NELL1: variants seen among roughly 807,000 people sequenced by gnomAD.
NELL1 encodes protein kinase C-binding protein NELL1.
Under a neutral mutation model 107.4 loss-of-function variants are expected in NELL1, and 76 were observed. The observed-to-expected ratio is 0.71, with a 90% CI of 0.59 to 0.86. NELL1 has a LOEUF of 0.86. Among genes scored for constraint, NELL1 ranks in the 40% least tolerant of loss-of-function variants. The pLI, the probability that NELL1 is intolerant of heterozygous loss-of-function variation, is 0.00. For synonymous variants in NELL1, 353 were observed against 341.2 expected (o/e 1.03, Z -0.38); for missense variants, 1,024 against 1,005.5 (o/e 1.02, Z -0.25).
intron 3 of NELL1, among the ~76,000 whole-genome samples, chr11:20,816,256 A>T (rs376201634): frequency 1.2e-4 from 19 of 152,166 alleles, no homozygotes; most frequent in African/African-American, 4.1e-4. Flanking sequence ...GGCCATTTAA[A>T]CAATGTTGAT....
intron 4 of NELL1, among the ~76,000 whole-genome samples, chr11:20,859,026 C>T (rs1255009272): frequency 6.6e-6 from 1 of 152,194 alleles, no homozygotes; most frequent in Admixed American, 6.5e-5. Context: ...CGTGATTTAC[C>T]CCTGTTAGTA....
intron 13 of NELL1, among the ~76,000 whole-genome samples, chr11:21,165,365 A>T (rs1856456714): frequency 6.6e-6 from 1 of 152,208 alleles, no homozygotes. Context: ...TTTTGTATCT[A>T]GTCTTCAACT....
chr11:21,147,863 A>G (rs1856020339), intron 13 of NELL1, among the ~76,000 whole-genome samples: 2 of 150,430 alleles, frequency 1.3e-5, no homozygotes, highest in African/African-American at 4.9e-5. Flanking sequence ...AAAAAAAAAA[A>G]AAGAAAAGAA....
chr11:21,463,725 C>T (rs1853955849), intron 15 of NELL1, among the ~76,000 whole-genome samples: 1 of 152,068 alleles, frequency 6.6e-6, no homozygotes, highest in African/African-American at 2.4e-5. Context: ...TACTTAGTGG[C>T]ATAAGACAAT....
At chr11:20,805,188 G>C (rs1857356461) in intron 3 of NELL1, among the ~76,000 whole-genome samples, 1 of 151,928 alleles carries the variant, frequency 6.6e-6, no homozygotes, top group Non-Finnish European at 1.5e-5. Context: ...GTTTCTTGTA[G>C]GCAACAGATT....
At chr11:21,434,002 A>G (rs1853038281) in intron 15 of NELL1, among the ~76,000 whole-genome samples, 1 of 152,112 alleles carries the variant, frequency 6.6e-6, no homozygotes. Flanking sequence ...ATTTTGAAAC[A>G]TGTTTACTCA....
intron 12 of NELL1, among the ~76,000 whole-genome samples, chr11:21,022,671 G>A (rs1433391888): frequency 6.6e-6 from 1 of 151,988 alleles, no homozygotes; most frequent in Non-Finnish European, 1.5e-5. Flanking sequence ...GTTGAGAGTT[G>A]GACAATCCTA....
At chr11:21,049,753 C>T (rs1446907443) in intron 12 of NELL1, among the ~76,000 whole-genome samples, 1 of 152,024 alleles carries the variant, frequency 6.6e-6, no homozygotes, top group East Asian at 1.9e-4. Context: ...TCTCAGCTCC[C>T]TGCAACCTCC....
intron 15 of NELL1, among the ~76,000 whole-genome samples, chr11:21,402,298 A>G (rs923555632): frequency 6.6e-6 from 1 of 151,808 alleles, no homozygotes; most frequent in Non-Finnish European, 1.5e-5. Flanking sequence ...CACTCTTCTC[A>G]ACTTGGGAAA....
intron 2 of NELL1, among the ~76,000 whole-genome samples, chr11:20,781,962 G>T (rs929423306): frequency 6.7e-6 from 1 of 150,204 alleles, no homozygotes; most frequent in Non-Finnish European, 1.5e-5. Flanking sequence ...GATCGCTTGA[G>T]CCCGGGAGGT....
chr11:21,330,456 T>C (rs1850246312), intron 14 of NELL1, among the ~76,000 whole-genome samples: 1 of 149,928 alleles, frequency 6.7e-6, no homozygotes, highest in Non-Finnish European at 1.5e-5. Context: ...TGAAAATGGC[T>C]CTTTTTTTCT....
At chr11:21,454,188 T>C (rs1481747438) in intron 15 of NELL1, among the ~76,000 whole-genome samples, 1 of 147,986 alleles carries the variant, frequency 6.8e-6, no homozygotes, top group African/African-American at 2.5e-5. Flanking sequence ...GTTTGGTTTT[T>C]TGTTCTTGCG....
chr11:21,533,107 GA>G (rs1472678117), intron 15 of NELL1, among the ~76,000 whole-genome samples: 5 of 152,186 alleles, frequency 3.3e-5, no homozygotes, highest in Non-Finnish European at 7.4e-5. Flanking sequence ...TTAATGGGCT[GA>G]ACAATACATG....
chr11:20,777,912 G>T (rs187658220), intron 2 of NELL1, among the ~76,000 whole-genome samples: 77 of 152,140 alleles, frequency 5.1e-4, no homozygotes, highest in Non-Finnish European at 9.3e-4. Flanking sequence ...CTGCCTCTTG[G>T]TCTGCTTTGT....
intron 13 of NELL1, among the ~76,000 whole-genome samples, chr11:21,144,261 A>G (rs772123472): frequency 2.0e-5 from 3 of 152,124 alleles, no homozygotes; most frequent in Non-Finnish European, 4.4e-5. Context: ...ATGCTATGGA[A>G]CACCTTAGGA....
intron 9 of NELL1, among the ~76,000 whole-genome samples, chr11:20,934,871 G>A (rs12275197): frequency 0.032 from 4,938 of 152,222 alleles, 215 homozygotes; most frequent in East Asian, 0.16. Flanking sequence ...CTACAAAATT[G>A]AGGCATAAAA....
intron 12 of NELL1, among the ~76,000 whole-genome samples, chr11:21,103,151 C>CCA (rs1227289181): frequency 6.6e-6 from 1 of 152,112 alleles, no homozygotes; most frequent in Non-Finnish European, 1.5e-5. Flanking sequence ...GCTCATAGGT[C>CCA]CACAGGCCCT....
chr11:20,867,812 T>A (rs1347460304), intron 4 of NELL1, among the ~76,000 whole-genome samples: 1 of 152,200 alleles, frequency 6.6e-6, no homozygotes, highest in Non-Finnish European at 1.5e-5. Flanking sequence ...ACACTTTGGA[T>A]ACAGAGGAGC....
chr11:20,676,643 T>A (rs1426193577), intron 1 of NELL1, among the ~76,000 whole-genome samples: 1 of 152,200 alleles, frequency 6.6e-6, no homozygotes, highest in African/African-American at 2.4e-5. Context: ...TAGCAGGTCC[T>A]GTTTCCTAAC....
Sources: allele counts gnomAD v4.1 joint callset (sites outside exome capture counted in the v4.1 genomes callset), GRCh38; gene constraint gnomAD v4.1.1; transcripts MANE v1.5; gene names NCBI Gene and HGNC (gene_info 2026-07-23, HGNC 2026-07-21).